SLC9A9: variants seen among roughly 807,000 people sequenced by gnomAD.
SLC9A9 encodes the protein sodium/hydrogen exchanger 9.
A neutral mutation model predicts 77.8 loss-of-function variants in SLC9A9; 62 were observed. The ratio of observed to expected loss-of-function variants is 0.80; its 90% CI spans 0.65 to 0.98. The LOEUF (loss-of-function observed/expected upper bound fraction) is 0.98, where lower values mean the gene tolerates loss of function less well. Among genes scored for constraint, SLC9A9 ranks in the 50% least tolerant of loss-of-function variants. SLC9A9 has a pLI of 0.00. For missense variants in SLC9A9, 775 were observed against 774.9 expected, an observed-to-expected ratio of 1.00 and a Z score of 0.00; for synonymous variants, 320 against 283.5, an observed-to-expected ratio of 1.13 and a Z score of -1.29.
chr3:143,453,892 A>C (rs1331933559), intron 12 of SLC9A9, among the ~76,000 whole-genome samples: 1 of 152,128 alleles, frequency 6.6e-6, no homozygotes, highest in Non-Finnish European at 1.5e-5. Context: ...AGCCTTTGGA[A>C]AGTGAATGAC....
chr3:143,654,781 G>A (rs1446967962), intron 5 of SLC9A9, among the ~76,000 whole-genome samples: 3 of 152,142 alleles, frequency 2.0e-5, no homozygotes, highest in Non-Finnish European at 4.4e-5. Flanking sequence ...CTAGGCCCAG[G>A]AAAAGGAAGG....
intron 5 of SLC9A9, among the ~76,000 whole-genome samples, chr3:143,656,933 T>C (rs1325059980): frequency 6.6e-6 from 1 of 152,228 alleles, no homozygotes; most frequent in Non-Finnish European, 1.5e-5. Context: ...GTATTTTCTT[T>C]TTCTAAGAAG....
intron 6 of SLC9A9, among the ~76,000 whole-genome samples, chr3:143,647,505 A>C (rs921206219): frequency 6.6e-6 from 1 of 152,242 alleles, no homozygotes; most frequent in African/African-American, 2.4e-5. Flanking sequence ...AAACATTCAG[A>C]CTGCATAGAA....
chr3:143,811,660 A>G (rs2008868149), intron 2 of SLC9A9: 3 of 454,354 alleles, frequency 6.6e-6, no homozygotes, highest in African/African-American at 2.0e-5. Flanking sequence ...AGCCCAGCCA[A>G]CATGGCAAAA....
intron 1 of SLC9A9, among the ~76,000 whole-genome samples, chr3:143,843,863 T>G (rs1268171022): frequency 6.6e-6 from 1 of 152,198 alleles, no homozygotes; most frequent in Non-Finnish European, 1.5e-5. Context: ...TAATTGTCAT[T>G]TATGCTTCCA....
At chr3:143,416,558 C>T (rs989821276) in intron 12 of SLC9A9, among the ~76,000 whole-genome samples, 37 of 151,992 alleles carry the variant, frequency 2.4e-4, no homozygotes, top group Admixed American at 1.2e-3. Flanking sequence ...TTTTTAGCAA[C>T]AAAGTTTTTT....
At chr3:143,735,310 A>AG (rs1294952702) in intron 4 of SLC9A9, among the ~76,000 whole-genome samples, 1 of 152,222 alleles carries the variant, frequency 6.6e-6, no homozygotes, top group Non-Finnish European at 1.5e-5. Flanking sequence ...TAAAATAAAA[A>AG]GGACTCCTGT....
intron 4 of SLC9A9, among the ~76,000 whole-genome samples, chr3:143,703,922 C>T (rs1933877119): frequency 6.6e-6 from 1 of 152,074 alleles, no homozygotes; most frequent in South Asian, 2.1e-4. Flanking sequence ...TCATTAGTCG[C>T]TACCCTGAGC....
rs1456435006 is a variant in SLC9A9 at position 143,499,838 on chromosome 3, G to T, written c.1090-4390C>A. Among the ~76,000 whole-genome samples the T allele has an allele frequency of 2.6e-5, 4 of 152,132 alleles. No homozygotes were observed. In the East Asian group the frequency reaches 7.7e-4, roughly 29 times the overall value. On this transcript the variant is annotated intron_variant, in intron 9 of 15. Coordinates refer to ENST00000316549, the MANE Select transcript of SLC9A9 (RefSeq NM_173653.4). ...CTTTACCTATTAAGATGATCATATG[G>T]TATTTGTTTTTTCACTTTTAAAATG...
chr3:143,694,121 C>G (rs1016128446), intron 4 of SLC9A9, among the ~76,000 whole-genome samples: 1 of 152,062 alleles, frequency 6.6e-6, no homozygotes, highest in Non-Finnish European at 1.5e-5. Flanking sequence ...TCTTTAGAAA[C>G]TATAGACCAT....
chr3:143,429,571 T>G (rs1333953258), intron 12 of SLC9A9, among the ~76,000 whole-genome samples: 1 of 152,188 alleles, frequency 6.6e-6, no homozygotes, highest in Non-Finnish European at 1.5e-5. Context: ...TACATACACT[T>G]AGTGAACCAG....
intron 6 of SLC9A9, among the ~76,000 whole-genome samples, chr3:143,642,084 G>A (rs753574115): frequency 2.1e-4 from 32 of 152,154 alleles, no homozygotes; most frequent in Non-Finnish European, 4.0e-4. Context: ...GAGTGATGAA[G>A]TACCTGAAAA....
intron 8 of SLC9A9, among the ~76,000 whole-genome samples, chr3:143,559,590 C>T (rs1386560798): frequency 6.6e-6 from 1 of 151,924 alleles, no homozygotes; most frequent in East Asian, 1.9e-4. Context: ...AGAAATAACA[C>T]TGGTTCTAAA....
chr3:143,639,617 C>T (rs1438616619), intron 6 of SLC9A9, among the ~76,000 whole-genome samples: 2 of 152,194 alleles, frequency 1.3e-5, no homozygotes, highest in Non-Finnish European at 2.9e-5. Context: ...TATCATCTTA[C>T]TAAAAGTGAG....
At chr3:143,568,260 C>T (rs759650739) in intron 8 of SLC9A9, among the ~76,000 whole-genome samples, 1 of 152,070 alleles carries the variant, frequency 6.6e-6, no homozygotes, top group Non-Finnish European at 1.5e-5. Flanking sequence ...GGAAGAGTGT[C>T]TAGTTGTCCT....
intron 13 of SLC9A9, among the ~76,000 whole-genome samples, chr3:143,371,809 T>G (rs1002747263): frequency 3.9e-5 from 6 of 152,166 alleles, no homozygotes; most frequent in African/African-American, 1.4e-4. Flanking sequence ...ATTGTACACC[T>G]AGAAAACCCT....
intron 9 of SLC9A9, among the ~76,000 whole-genome samples, chr3:143,500,840 A>C (rs1405825845): frequency 6.8e-6 from 1 of 147,664 alleles, no homozygotes; most frequent in Non-Finnish European, 1.5e-5. Context: ...TCATAAATGC[A>C]ATAAAATTTG....
Position 143,841,005 on chromosome 3 carries a change from T to C in SLC9A9, c.175+7143A>G, listed in dbSNP as rs193090261. The stretch of plus-strand genomic sequence containing the variant: ...CTGTAAACTTCCTAAGGTACCATCA[T>C]CTGGCACGGAGCGAACAGTTAATTA... On this transcript the variant is annotated intron_variant, in intron 1 of 15. Coordinates refer to ENST00000316549, the MANE Select transcript of SLC9A9 (RefSeq NM_173653.4). 3.7e-4 allele frequency among the ~76,000 whole-genome samples: 56 copies of C among 152,300 alleles called. No individual in the cohort carries two copies. In the East Asian group the frequency reaches 8.1e-3, roughly 22 times the overall value.
intron 14 of SLC9A9, among the ~76,000 whole-genome samples, chr3:143,286,922 A>T (rs1234792222): frequency 6.6e-6 from 1 of 152,192 alleles, no homozygotes; most frequent in Non-Finnish European, 1.5e-5. Flanking sequence ...AAGCAAAATG[A>T]GGCTCCACTA....
Sources: allele counts gnomAD v4.1 joint callset (sites outside exome capture counted in the v4.1 genomes callset), GRCh38; gene constraint gnomAD v4.1.1; transcripts MANE v1.5; gene names NCBI Gene and HGNC (gene_info 2026-07-23, HGNC 2026-07-21).